The following STOML2 variants were observed in gnomAD, a reference collection of about 807,000 sequenced individuals.
STOML2 encodes stomatin-like protein 2, mitochondrial.
A neutral mutation model predicts 45.7 loss-of-function variants in STOML2; 22 were observed. The observed-to-expected ratio is 0.48, with a 90% CI of 0.34 to 0.69. The LOEUF (loss-of-function observed/expected upper bound fraction) is 0.69, where lower values mean the gene tolerates loss of function less well. Ranked by LOEUF, STOML2 falls within the 30% of genes least tolerant of loss-of-function variation. STOML2 has a pLI of 0.01. For synonymous variants in STOML2, 181 were observed against 182.7 expected (o/e 0.99, Z 0.08); for missense variants, 359 against 466.9 (o/e 0.77, Z 2.13).
intron 8 of STOML2, 45 bp from the exon 9 acceptor site, chr9:35,100,771 A>T: frequency 1.9e-6 from 3 of 1,613,878 alleles, no homozygotes; most frequent in Non-Finnish European, 2.5e-6. Context: ...CGATACGGAG[A>T]AGAAGGGGGG....
chr9:35,102,964 T>C lies in STOML2; in HGVS notation c.45+86A>G. The C allele has an allele frequency of 3.8e-6, 6 of 1,596,128 alleles. No individual in the cohort carries two copies. Among genetic ancestry groups the C allele is most frequent in the Non-Finnish European group, 5.1e-6 (6 of 1,169,050 alleles). ...ACCATGACCTCTGACCCCAGTCCTC[T>C]CCAAAAGTTGGAATTTCGCTCTTTT... On this transcript the variant is annotated intron_variant, in intron 1 of 9. Transcript: ENST00000356493. The surrounding 1 kb of genome is among the most constrained non-coding windows in gnomAD (Gnocchi z 4.8).
At position 35,101,492 on chromosome 9, in the gene STOML2, G is replaced by A. The variant is rs755338152; in HGVS notation, c.513C>T (p.Arg171=). The A allele has an allele frequency of 1.9e-6, 3 of 1,614,122 alleles. No homozygotes were observed. Among genetic ancestry groups the A allele is most frequent in the Non-Finnish European group, 2.5e-6 (3 of 1,180,026 alleles). The change falls in exon 6 of 10, where the codon CGC becomes CGT. Residue 171 remains arginine (R), a synonymous_variant. Transcript: ENST00000356493. This position sits in a 1 kb window ranked among gnomAD's most constrained non-coding sequence, Gnocchi z 4.3. ...INQAADCWGI[R]CLRYEIKDIH... ...TATCCTTGATCTCATAACGGAGGCA[G>A]CGGATACCCCAGCAGTCAGCAGCTT...
At chr9:35,100,761 C>G (rs200361191) in intron 8 of STOML2, 35 bp from the exon 9 acceptor site, 1 of 1,613,474 alleles carries the variant, frequency 6.2e-7, no homozygotes, top group Non-Finnish European at 8.5e-7. Context: ...CAGAGATCAC[C>G]GATACGGAGA....
In STOML2 at chr9:35,100,583, T is replaced by C; in HGVS notation, c.933+15A>G. 6.2e-7 allele frequency: 1 copy of C among 1,613,304 alleles called. No homozygotes were observed. Among genetic ancestry groups the C allele is most frequent in the Non-Finnish European group, 8.5e-7 (1 of 1,179,934 alleles). On this transcript the variant is annotated intron_variant, in intron 9 of 9. Transcript: ENST00000356493. The stretch of plus-strand genomic sequence containing the variant: ...GGCACCAGTGCTCTATGCTGGGTCC[T>C]CAGAGAGCTCTAACCTGAGCCACCA...
In STOML2 at chr9:35,101,252, T is replaced by C; in HGVS notation, c.607A>G (p.Thr203Ala). 3 of 1,614,174 alleles carry C rather than the reference T, an allele frequency of 1.9e-6. No homozygotes were observed. The highest frequency in any genetic ancestry group is 2.5e-6 in the Non-Finnish European group (3 of 1,180,034). ...QVEAERRKRA[T>A]VLESEGTRES... is the part of the protein sequence containing the mutation. ...CGGGTCCCCTCAGACTCTAGAACTG[T>C]GGCCCGTTTCCGCCGCTCTGCCTCC... The change falls in exon 7 of 10, where the codon ACA (threonine) becomes GCA (alanine). Residue 203 changes from threonine to alanine, a missense_variant. Around this residue, in one of 2 missense-constraint regions of STOML2, gnomAD observed 285 missense variants for 422.0 expected, o/e 0.68. Transcript: ENST00000356493. This position sits in a 1 kb window ranked among gnomAD's most constrained non-coding sequence, Gnocchi z 4.3.
Position 35,101,906 on chromosome 9 carries a change from T to C in STOML2, c.340A>G (p.Lys114Glu), listed in dbSNP as rs1157221791. Residue 114 changes from lysine (K) to glutamate (E), a missense_variant and splice_region_variant, in exon 4 of 10, where the codon AAG becomes GAG. Transcript: ENST00000356493. This position sits in a 1 kb window ranked among gnomAD's most constrained non-coding sequence, Gnocchi z 4.3. The stretch of plus-strand genomic sequence containing the variant: ...TGGATAAAGTAGGGGACAGGTACCT[T>C]GTAAGGGTCCATGATGCGCAGGTAA... The part of the protein sequence containing the change: ...VLYLRIMDPY[K>E]ASYGVEDPEY... 4 of 1,613,946 alleles carry C rather than the reference T, an allele frequency of 2.5e-6. No individual in the cohort carries two copies. Among genetic ancestry groups the C allele is most frequent in the Non-Finnish European group, 3.4e-6 (4 of 1,180,012 alleles).
intron 9 of STOML2, 78 bp downstream of exon 9, chr9:35,100,520 A>T: frequency 6.3e-7 from 1 of 1,590,682 alleles, no homozygotes; most frequent in Non-Finnish European, 8.6e-7. Flanking sequence ...ATGGTATGTA[A>T]GTGTTGATGA....
In STOML2 at chr9:35,102,569, G is replaced by T; in HGVS notation, c.183+117C>A. ...AGCAGCCTGGGCCCTGTCAGGTCTG[G>T]CCTACAGAGTCGGGAGCTAACAGTG... On this transcript the variant is annotated intron_variant, in intron 2 of 9. Coordinates refer to ENST00000356493, the MANE Select transcript of STOML2 (RefSeq NM_013442.3). This position sits in a 1 kb window ranked among gnomAD's most constrained non-coding sequence, Gnocchi z 4.8. 1.3e-6 allele frequency: 2 copies of T among 1,499,154 alleles called. No individual in the cohort carries two copies. The highest frequency in any genetic ancestry group is 1.8e-6 in the Non-Finnish European group (2 of 1,116,436). 92.9% of individuals were successfully genotyped at this position (1,499,154 alleles called of 1,614,324 possible).
At chr9:35,103,019 T>C (rs779144371) in intron 1 of STOML2, 31 bp downstream of exon 1, 2 of 1,613,782 alleles carry the variant, frequency 1.2e-6, no homozygotes, top group South Asian at 1.1e-5. Context: ...ATCTCTGTCC[T>C]GACCCTCTGG....
In STOML2 at chr9:35,102,552, G is replaced by A; in HGVS notation, c.183+134C>T. 1 of 1,410,300 alleles carries A rather than the reference G, an allele frequency of 7.1e-7. No individual in the cohort carries two copies. Among genetic ancestry groups the A allele is most frequent in the Non-Finnish European group, 9.6e-7 (1 of 1,043,446 alleles). The allele number at this position is 1,410,300 out of a possible 1,614,324, so 87.4% of individuals were successfully genotyped here. On this transcript the variant is annotated intron_variant, in intron 2 of 9. Coordinates refer to ENST00000356493, the MANE Select transcript of STOML2 (RefSeq NM_013442.3). This position sits in a 1 kb window ranked among gnomAD's most constrained non-coding sequence, Gnocchi z 4.8. ...ACATGGGGATGATGGTCAGCAGCCT[G>A]GGCCCTGTCAGGTCTGGCCTACAGA...
Position 35,100,045 on chromosome 9 carries a change from T to C in STOML2, c.1061A>G (p.Lys354Arg), listed in dbSNP as rs759666265. The C allele has an allele frequency of 5.0e-6, 8 of 1,614,110 alleles. No homozygotes were observed. Among genetic ancestry groups the C allele is most frequent in the Non-Finnish European group, 5.9e-6 (7 of 1,180,032 alleles). ...CCAAGCCCAGCTCCACTAACTCATC[T>C]TGACTCGATCAAGTTCCTCATCAAG... ...ASLDEELDRV[K>R]MS Residue 354 changes from lysine to arginine, a missense_variant, in exon 10 of 10, where the codon AAG (lysine) becomes AGG (arginine). Transcript: ENST00000356493.
Position 35,101,878 on chromosome 9 carries a change from G to C in STOML2, c.342+26C>G, listed in dbSNP as rs571038997. 2 of 1,614,168 alleles carry C rather than the reference G, an allele frequency of 1.2e-6. No individual in the cohort carries two copies. Among genetic ancestry groups the C allele is most frequent in the Middle Eastern group, 3.3e-4 (2 of 6,062 alleles). On this transcript the variant is annotated intron_variant, in intron 4 of 9. Transcript: ENST00000356493. This position sits in a 1 kb window ranked among gnomAD's most constrained non-coding sequence, Gnocchi z 4.3. ...TTTTAGTGAAGAGGGCAACTCAAAA[G>C]GCTGGATAAAGTAGGGGACAGGTAC...
In STOML2 at chr9:35,100,115, G is replaced by A. The variant is rs754567463; in HGVS notation, c.991C>T (p.Leu331Phe). 2.5e-6 allele frequency: 4 copies of A among 1,614,188 alleles called. 1 individual carries two copies. The South Asian group carries it at 3.3e-5, about 13-fold the overall frequency. Residue 331 changes from leucine (L) to phenylalanine (F), a missense_variant, in exon 10 of 10, where the codon CTC becomes TTC. Leu to Phe is a conservative substitution (Grantham distance 22). Around this residue, in one of 2 missense-constraint regions of STOML2, gnomAD observed 285 missense variants for 422.0 expected, o/e 0.68. Transcript: ENST00000356493. ...ACATCTCTGCTGCTCCCACTGGAGA[G>A]TGAGTCTGGAGTCCCTGGCACTGGG... ...KAPVPGTPDS[L>F]SSGSSRDVQG...
At position 35,102,458 on chromosome 9, in the gene STOML2, G is replaced by C; in HGVS notation, c.183+228C>G. 2.8e-6 allele frequency: 2 copies of C among 710,842 alleles called. No individual in the cohort carries two copies. Among genetic ancestry groups the C allele is most frequent in the Non-Finnish European group, 4.6e-6 (2 of 435,528 alleles). The allele number at this position is 710,842 out of a possible 1,614,324, so 44.0% of individuals were successfully genotyped here. The stretch of plus-strand genomic sequence containing the variant: ...TAGCCATCTCTATGCAGACTGAGAG[G>C]TAGGGCTGAGAGTGGGCAGGGGAGA... On this transcript the variant is annotated intron_variant, in intron 2 of 9. Coordinates refer to ENST00000356493, the MANE Select transcript of STOML2 (RefSeq NM_013442.3). The surrounding 1 kb of genome is among the most constrained non-coding windows in gnomAD (Gnocchi z 4.8).
rs1294013126 is a variant in STOML2 at position 35,100,008 on chromosome 9, C to CAGA, written c.*24_*26dup. ...TCAGGAAAATCTGCTTCCTTGTTCC[C>CAGA]AGACTCCCTGGCCAAGCCCAGCTCC... is the stretch of plus-strand genomic sequence containing the variant. On this transcript the variant is annotated 3_prime_UTR_variant, in exon 10 of 10. Transcript: ENST00000356493. The CAGA allele has an allele frequency of 6.2e-7, 1 of 1,604,216 alleles. No homozygotes were observed. Among genetic ancestry groups the CAGA allele is most frequent in the Non-Finnish European group, 8.5e-7 (1 of 1,172,402 alleles).
chr9:35,101,825 G>A lies in STOML2; in HGVS notation c.343-14C>T, dbSNP rs1354692444. 5.6e-6 allele frequency: 9 copies of A among 1,613,958 alleles called. No homozygotes were observed. Among genetic ancestry groups the A allele is most frequent in the Admixed American group, 1.7e-5 (1 of 60,000 alleles). Reference sequence around the variant, plus strand: ...ACCGTAGCTTGCCTGAGATGGACACGGATAGTGTAAGAAGCTTGGGCACAA... The same window carrying A: ...ACCGTAGCTTGCCTGAGATGGACACAGATAGTGTAAGAAGCTTGGGCACAA... On this transcript the variant is annotated splice_polypyrimidine_tract_variant and intron_variant, in intron 4 of 9. Coordinates refer to ENST00000356493, the MANE Select transcript of STOML2 (RefSeq NM_013442.3). The surrounding 1 kb of genome is among the most constrained non-coding windows in gnomAD (Gnocchi z 4.3).
At position 35,100,057 on chromosome 9, in the gene STOML2, A is replaced by G; in HGVS notation, c.1049T>C (p.Leu350Pro). ...QGTDASLDEELDRVKMS is the reference protein window; with the variant it reads ...QGTDASLDEEPDRVKMS ...CCACTAACTCATCTTGACTCGATCA[A>G]GTTCCTCATCAAGACTTGCATCTGT... The change falls in exon 10 of 10, where the codon CTT (leucine) becomes CCT (proline). Residue 350 changes from leucine (L) to proline (P), a missense_variant. This residue lies in a region of STOML2 where 285 missense variants were observed against 422.0 expected (regional missense o/e 0.68). Coordinates refer to ENST00000356493, the MANE Select transcript of STOML2 (RefSeq NM_013442.3). 6.2e-7 allele frequency: 1 copy of G among 1,614,216 alleles called. No individual in the cohort carries two copies. Among genetic ancestry groups the G allele is most frequent in the Non-Finnish European group, 8.5e-7 (1 of 1,180,034 alleles).
In STOML2 at chr9:35,102,640, G is replaced by A. The variant is rs1296804380; in HGVS notation, c.183+46C>T. On this transcript the variant is annotated intron_variant, in intron 2 of 9. Transcript: ENST00000356493. The surrounding 1 kb of genome is among the most constrained non-coding windows in gnomAD (Gnocchi z 4.8). ...CCTCCCGACATTGCATGTCGTGAGGGATTGGTCATCTGGCTGGCCCAGGGT... is the reference window on the plus strand; with the variant it reads ...CCTCCCGACATTGCATGTCGTGAGGAATTGGTCATCTGGCTGGCCCAGGGT... The A allele has an allele frequency of 2.5e-6, 4 of 1,605,992 alleles. No homozygotes were observed. The East Asian group carries it at 6.7e-5, about 27-fold the overall frequency.
chr9:35,102,935 G>A lies in STOML2; in HGVS notation c.46-112C>T. On this transcript the variant is annotated intron_variant, in intron 1 of 9. Transcript: ENST00000356493. This position sits in a 1 kb window ranked among gnomAD's most constrained non-coding sequence, Gnocchi z 4.8. ...CCTCAGGATCCTCGGAGAATCACAT[G>A]GGGACCATGACCTCTGACCCCAGTC... 6.3e-7 allele frequency: 1 copy of A among 1,578,332 alleles called. No individual in the cohort carries two copies. The highest frequency in any genetic ancestry group is 8.6e-7 in the Non-Finnish European group (1 of 1,160,042).
Sources: gnomAD v4.1 joint callset for allele counts on GRCh38, gnomAD v4.1.1 for gene constraint, gnomAD v4.1.1 regional missense constraint, Gnocchi (gnomAD v3.1) non-coding constraint, MANE v1.5 for transcripts, NCBI Gene and HGNC (gene_info 2026-07-23, HGNC 2026-07-21) for gene names.